Variants in CD99 observed in about 807,000 individuals in gnomAD.
CD99 encodes the protein CD99 molecule (Xg blood group).
In CD99, 19 loss-of-function variants were observed where a neutral mutation model predicts 28.4. The ratio of observed to expected loss-of-function variants is 0.67; its 90% CI spans 0.47 to 0.98. CD99 has a LOEUF of 0.98. Among genes scored for constraint, CD99 ranks in the 50% least tolerant of loss-of-function variants. The pLI is 0.00. For synonymous variants in CD99, 103 were observed against 92.1 expected, an observed-to-expected ratio of 1.12 and a Z score of -0.67; for missense variants, 283 against 248.8, an observed-to-expected ratio of 1.14 and a Z score of -0.92.
intron 1 of CD99, among the ~76,000 whole-genome samples, chrX:2,709,700 A>G (rs2048304582): frequency 6.6e-6 from 1 of 152,216 alleles, no homozygotes; most frequent in Admixed American, 6.5e-5. Flanking sequence ...ATGCATGAAC[A>G]TAGACACACA....
chrX:2,735,647 G>T (rs916286440), intron 8 of CD99, among the ~76,000 whole-genome samples: 1 of 152,162 alleles, frequency 6.6e-6, no homozygotes, highest in Non-Finnish European at 1.5e-5. Flanking sequence ...ATGAATGCAG[G>T]TTTTCAATTT....
At chrX:2,691,780 A>G (rs1484619299) in intron 1 of CD99, 6 of 767,294 alleles carry the variant, frequency 7.8e-6, no homozygotes, top group Admixed American at 5.2e-5. Context: ...CCCGTTATCT[A>G]CCCCCAGGGT....
intron 9 of CD99, 78 bp from the exon 10 acceptor site, chrX:2,740,701 C>T: frequency 5.4e-6 from 8 of 1,481,214 alleles, no homozygotes; most frequent in Non-Finnish European, 7.5e-6. Flanking sequence ...CCACTGGCTC[C>T]TGAAAGTTGT....
At chrX:2,724,539 C>T (rs377419155) in intron 7 of CD99, among the ~76,000 whole-genome samples, 31 of 152,238 alleles carry the variant, frequency 2.0e-4, no homozygotes, top group Middle Eastern at 3.4e-3. Flanking sequence ...GAGGCTGAGG[C>T]GGGAGGATTG....
At chrX:2,716,687 G>A (rs952446638) in intron 2 of CD99, among the ~76,000 whole-genome samples, 1 of 152,210 alleles carries the variant, frequency 6.6e-6, no homozygotes, top group Non-Finnish European at 1.5e-5. Flanking sequence ...TTTATGTCCT[G>A]TGGTGCAGTG....
chrX:2,726,846 G>A (rs969862549), intron 8 of CD99, among the ~76,000 whole-genome samples: 6 of 152,096 alleles, frequency 3.9e-5, no homozygotes, highest in African/African-American at 1.4e-4. Context: ...GTTAAAAGCC[G>A]GCACAAGGCC....
At chrX:2,724,897 CAAAA>C (rs928597818) in intron 7 of CD99, among the ~76,000 whole-genome samples, 7 of 120,182 alleles carry the variant, frequency 5.8e-5, no homozygotes, top group Non-Finnish European at 1.1e-4. Context: ...GACTGCATTT[CAAAA>C]AAAAAAAAAA....
chrX:2,722,671 G>A lies in CD99; in HGVS notation c.307G>A (p.Glu103Lys). The A allele has an allele frequency of 6.2e-7, 1 of 1,613,956 alleles. No homozygotes were observed. Among genetic ancestry groups the A allele is most frequent in the East Asian group, 2.2e-5 (1 of 44,886 alleles). The change falls in exon 6 of 10, where the codon GAA (glutamate) becomes AAA (lysine). Residue 103 changes from glutamate (E) to lysine (K), a missense_variant. Coordinates refer to ENST00000381192, the MANE Select transcript of CD99 (RefSeq NM_002414.5). ...ADLADGVSGG[E>K]GKGGSDGGGS... ...CCTTGCGGATGGCGTTTCAGGTGGAGAAGGTACAGTTATCTTGTTTTCTGT... is the reference window on the plus strand; with the variant it reads ...CCTTGCGGATGGCGTTTCAGGTGGAAAAGGTACAGTTATCTTGTTTTCTGT...
chrX:2,711,965 C>T (rs1289205401), intron 1 of CD99, among the ~76,000 whole-genome samples: 3 of 152,098 alleles, frequency 2.0e-5, no homozygotes, highest in Non-Finnish European at 4.4e-5. Context: ...TTGCTTGAAC[C>T]CAGGAGGCGG....
chrX:2,727,292 G>C (rs765846226), intron 8 of CD99: 9 of 779,060 alleles, frequency 1.2e-5, no homozygotes, highest in Non-Finnish European at 1.9e-5. Flanking sequence ...AATCCTCCTA[G>C]GTCAGCTGGC....
At chrX:2,736,943 A>ATGTGT (rs1455910484) in intron 8 of CD99, among the ~76,000 whole-genome samples, 2 of 151,976 alleles carry the variant, frequency 1.3e-5, no homozygotes, top group Non-Finnish European at 2.9e-5. Flanking sequence ...TGGAGGAGGA[A>ATGTGT]GAAAACCGGG....
At chrX:2,697,451 C>G (rs1161207576) in intron 1 of CD99, among the ~76,000 whole-genome samples, 1 of 152,128 alleles carries the variant, frequency 6.6e-6, no homozygotes, top group Non-Finnish European at 1.5e-5. Flanking sequence ...GTTCTGCAGG[C>G]ATTACTCATC....
chrX:2,722,525 T>G, intron 5 of CD99, 102 bp from the exon 6 acceptor site: 1 of 998,724 alleles, frequency 1.0e-6, no homozygotes, highest in Non-Finnish European at 1.6e-6. Context: ...TTCACCATGT[T>G]GATGAACAGG....
At chrX:2,708,670 A>G (rs889385435) in intron 1 of CD99, among the ~76,000 whole-genome samples, 3 of 152,150 alleles carry the variant, frequency 2.0e-5, no homozygotes, top group Non-Finnish European at 2.9e-5. Flanking sequence ...GACTAGGGCT[A>G]AGGGCAGAGG....
At chrX:2,699,521 A>G (rs2047746540) in intron 1 of CD99, among the ~76,000 whole-genome samples, 1 of 141,362 alleles carries the variant, frequency 7.1e-6, no homozygotes, top group Non-Finnish European at 1.5e-5. Flanking sequence ...ACCAGGCTGG[A>G]GTGCAGCGAT....
chrX:2,724,430 TGGAGAA>T (rs2124139489), intron 7 of CD99, among the ~76,000 whole-genome samples: 1 of 151,718 alleles, frequency 6.6e-6, no homozygotes, highest in South Asian at 2.1e-4. Context: ...AGATTCTATC[TGGAGAA>T]GGGTCCTCTG....
chrX:2,716,298 T>G (rs1451990811), intron 2 of CD99, among the ~76,000 whole-genome samples: 1 of 152,106 alleles, frequency 6.6e-6, no homozygotes, highest in Non-Finnish European at 1.5e-5. Context: ...ATGACAGGCA[T>G]GAGCCACTGA....
intron 1 of CD99, among the ~76,000 whole-genome samples, chrX:2,694,326 T>G (rs1408464338): frequency 8.6e-5 from 13 of 151,164 alleles, no homozygotes; most frequent in Non-Finnish European, 1.8e-4. Flanking sequence ...CTCCTGCCCC[T>G]GTGGGTGTGT....
At chrX:2,719,362 AATTC>A (rs1428173034) in intron 3 of CD99, 2 of 411,016 alleles carry the variant, frequency 4.9e-6, no homozygotes, top group Non-Finnish European at 8.7e-6. Context: ...CAGGCAACAC[AATTC>A]ATTTATAAAT....
Sources: allele counts gnomAD v4.1 joint callset (sites outside exome capture counted in the v4.1 genomes callset), GRCh38; gene constraint gnomAD v4.1.1; transcripts MANE v1.5; gene names NCBI Gene and HGNC (gene_info 2026-07-23, HGNC 2026-07-21).